The following ZDHHC20 variants were observed in gnomAD, a reference collection of about 807,000 sequenced individuals.
ZDHHC20 encodes the protein palmitoyltransferase ZDHHC20.
ZDHHC20 carries 43 observed loss-of-function variants against 57.8 expected under a neutral mutation model. The observed-to-expected ratio is 0.74, with a 90% CI of 0.58 to 0.96. ZDHHC20 has a LOEUF of 0.96. Ranked by LOEUF, ZDHHC20 falls within the 40% of genes least tolerant of loss-of-function variation. ZDHHC20 has a pLI of 0.00. For missense variants in ZDHHC20, 391 were observed against 441.1 expected, an observed-to-expected ratio of 0.89 and a Z score of 1.02; for synonymous variants, 157 against 153.0, an observed-to-expected ratio of 1.03 and a Z score of -0.19.
At chr13:21,458,312 G>A (rs1008972363) in intron 1 of ZDHHC20, among the ~76,000 whole-genome samples, 3 of 152,116 alleles carry the variant, frequency 2.0e-5, no homozygotes, top group Admixed American at 6.5e-5. Context: ...TGGAAGTAAC[G>A]AAAATTAACA....
At chr13:21,436,034 G>T (rs1162908722) in intron 1 of ZDHHC20, among the ~76,000 whole-genome samples, 1 of 152,232 alleles carries the variant, frequency 6.6e-6, no homozygotes, top group East Asian at 1.9e-4. Context: ...AGCTGCACCA[G>T]GAAGGGTGTG....
chr13:21,403,427 T>C (rs1877994935), intron 4 of ZDHHC20, among the ~76,000 whole-genome samples: 1 of 152,244 alleles, frequency 6.6e-6, no homozygotes, highest in South Asian at 2.1e-4. Context: ...CTAATACATA[T>C]GTTCATTTAA....
intron 9 of ZDHHC20, among the ~76,000 whole-genome samples, chr13:21,384,117 T>C (rs1286878641): frequency 6.6e-6 from 1 of 151,578 alleles, no homozygotes; most frequent in Non-Finnish European, 1.5e-5. Flanking sequence ...GTAGTTTCAC[T>C]GAATTGAGAT....
intron 7 of ZDHHC20, among the ~76,000 whole-genome samples, chr13:21,398,566 C>T (rs1260377897): frequency 6.6e-6 from 1 of 152,082 alleles, no homozygotes; most frequent in Admixed American, 6.5e-5. Flanking sequence ...ATGGCATTTA[C>T]ATGTAAAGAA....
chr13:21,407,858 C>A (rs1297628485), intron 4 of ZDHHC20, among the ~76,000 whole-genome samples: 1 of 152,192 alleles, frequency 6.6e-6, no homozygotes, highest in East Asian at 1.9e-4. Context: ...TTTCCCAACA[C>A]AATTTATTAA....
intron 1 of ZDHHC20, among the ~76,000 whole-genome samples, chr13:21,458,254 T>C (rs1469517860): frequency 6.6e-6 from 1 of 152,208 alleles, no homozygotes; most frequent in Non-Finnish European, 1.5e-5. Context: ...TACTCCTTTT[T>C]TCCAGGGAAT....
intron 9 of ZDHHC20, among the ~76,000 whole-genome samples, chr13:21,386,591 C>A (rs1351940110): frequency 6.6e-6 from 1 of 152,178 alleles, no homozygotes; most frequent in Non-Finnish European, 1.5e-5. Context: ...CTCTGTTGCC[C>A]AGGCTGCAAT....
chr13:21,420,821 A>G (rs1345478999), intron 3 of ZDHHC20, among the ~76,000 whole-genome samples: 1 of 152,254 alleles, frequency 6.6e-6, no homozygotes, highest in Non-Finnish European at 1.5e-5. Context: ...CTTTAAAGAC[A>G]CATAGCATGG....
chr13:21,441,449 G>A (rs1183853947), intron 1 of ZDHHC20, among the ~76,000 whole-genome samples: 1 of 149,398 alleles, frequency 6.7e-6, no homozygotes, highest in Non-Finnish European at 1.5e-5. Flanking sequence ...GCAGTGGCGC[G>A]ATCTCCACTT....
chr13:21,428,113 T>A (rs746381805), intron 1 of ZDHHC20, among the ~76,000 whole-genome samples: 1 of 152,186 alleles, frequency 6.6e-6, no homozygotes, highest in Non-Finnish European at 1.5e-5. Context: ...TAATGGCACC[T>A]CTAACTACAG....
chr13:21,452,885 A>G (rs1440163188), intron 1 of ZDHHC20, among the ~76,000 whole-genome samples: 1 of 152,176 alleles, frequency 6.6e-6, no homozygotes, highest in Non-Finnish European at 1.5e-5. Context: ...GTAAAGATCA[A>G]TTAATTCAAA....
chr13:21,401,471 C>T (rs1428536784), intron 6 of ZDHHC20, among the ~76,000 whole-genome samples, 182 bp downstream of exon 6: 1 of 152,092 alleles, frequency 6.6e-6, no homozygotes, highest in Non-Finnish European at 1.5e-5. Flanking sequence ...GGGTTAATTT[C>T]AGCAGATATT....
intron 11 of ZDHHC20, 74 bp from the exon 12 acceptor site, chr13:21,378,812 TA>T: frequency 1.2e-6 from 1 of 818,034 alleles, no homozygotes; most frequent in Non-Finnish European, 1.7e-6. Context: ...GGCTAAATGG[TA>T]AAATGACAGC....
At chr13:21,383,625 T>C (rs1327624616) in intron 9 of ZDHHC20, among the ~76,000 whole-genome samples, 2 of 152,230 alleles carry the variant, frequency 1.3e-5, no homozygotes, top group South Asian at 2.1e-4. Flanking sequence ...ACCCCAAGCA[T>C]AGGTATTCAA....
chr13:21,394,857 G>A (rs1323414847), intron 7 of ZDHHC20, among the ~76,000 whole-genome samples: 4 of 152,092 alleles, frequency 2.6e-5, no homozygotes, highest in East Asian at 3.8e-4. Flanking sequence ...CTTCTAATAT[G>A]TGCAAAGGCA....
intron 1 of ZDHHC20, among the ~76,000 whole-genome samples, chr13:21,450,258 C>T (rs1485244401): frequency 6.6e-6 from 1 of 152,128 alleles, no homozygotes; most frequent in Non-Finnish European, 1.5e-5. Context: ...CAGCATACTA[C>T]TACTTCTCTG....
At chr13:21,378,767 A>AC in intron 11 of ZDHHC20, 29 bp from the exon 12 acceptor site, 4 of 1,017,364 alleles carry the variant, frequency 3.9e-6, no homozygotes, top group Non-Finnish European at 3.9e-6. Context: ...ATATGACATG[A>AC]CAAAAAAAAA....
chr13:21,431,329 T>C (rs9578381), intron 1 of ZDHHC20, among the ~76,000 whole-genome samples: 1 of 152,154 alleles, frequency 6.6e-6, no homozygotes, highest in Non-Finnish European at 1.5e-5. Flanking sequence ...TTGAGACTCA[T>C]TCACTACCAC....
intron 11 of ZDHHC20, among the ~76,000 whole-genome samples, chr13:21,379,981 A>G (rs961555613): frequency 6.6e-6 from 1 of 150,790 alleles, no homozygotes; most frequent in African/African-American, 2.4e-5. Flanking sequence ...TCGCCCGTCT[A>G]ATTTTTTGTA....
Sources: allele counts gnomAD v4.1 joint callset (sites outside exome capture counted in the v4.1 genomes callset), GRCh38; gene constraint gnomAD v4.1.1; transcripts MANE v1.5; gene names NCBI Gene and HGNC (gene_info 2026-07-23, HGNC 2026-07-21).